Variants in PITPNC1 observed in about 807,000 individuals in gnomAD.
The protein encoded by PITPNC1 is phosphatidylinositol transfer protein cytoplasmic 1.
PITPNC1 carries 18 observed loss-of-function variants against 44.7 expected under a neutral mutation model. That is an observed-to-expected ratio of 0.40 (90% CI 0.28 to 0.60). The LOEUF (loss-of-function observed/expected upper bound fraction) is 0.60. Ranked by LOEUF, PITPNC1 falls within the 20% of genes least tolerant of loss-of-function variation. The pLI is 0.39. For missense variants in PITPNC1, 290 were observed against 418.4 expected (o/e 0.69, Z 2.68); for synonymous variants, 141 against 149.6 (o/e 0.94, Z 0.42).
chr17:67,537,032 A>T (rs939810690), intron 2 of PITPNC1, among the ~76,000 whole-genome samples: 1 of 152,230 alleles, frequency 6.6e-6, no homozygotes, highest in South Asian at 2.1e-4. Context: ...GAACATAGAC[A>T]TGAAAATACT....
At chr17:67,682,806 A>G (rs1005705341) in intron 8 of PITPNC1, among the ~76,000 whole-genome samples, 6 of 152,204 alleles carry the variant, frequency 3.9e-5, no homozygotes, top group Admixed American at 1.3e-4. Context: ...TTCACAATCT[A>G]TAAGTGAAGG....
At chr17:67,575,208 G>A (rs781649830) in intron 4 of PITPNC1, among the ~76,000 whole-genome samples, 10 of 151,482 alleles carry the variant, frequency 6.6e-5, no homozygotes, top group East Asian at 5.8e-4. Context: ...AAGGCTTGTC[G>A]TGTCTAAGAG....
chr17:67,501,560 G>A (rs1274368994), intron 1 of PITPNC1, among the ~76,000 whole-genome samples: 2 of 152,100 alleles, frequency 1.3e-5, no homozygotes, highest in African/African-American at 2.4e-5. Flanking sequence ...GGCTGGGTGC[G>A]GTGGCTCACG....
At chr17:67,573,068 G>C (rs2041084864) in intron 4 of PITPNC1, among the ~76,000 whole-genome samples, 1 of 152,192 alleles carries the variant, frequency 6.6e-6, no homozygotes, top group Admixed American at 6.5e-5. Context: ...AATTGCTGCT[G>C]TTTTAAGCCA....
At chr17:67,449,137 CTTT>C (rs1423246144) in intron 1 of PITPNC1, among the ~76,000 whole-genome samples, 5 of 152,178 alleles carry the variant, frequency 3.3e-5, no homozygotes, top group African/African-American at 1.2e-4. Flanking sequence ...TTTTCTTATT[CTTT>C]TTCCCTGTCA....
chr17:67,547,624 T>C (rs1472459216), intron 2 of PITPNC1, among the ~76,000 whole-genome samples: 1 of 152,198 alleles, frequency 6.6e-6, no homozygotes, highest in African/African-American at 2.4e-5. Context: ...CCTAATGATG[T>C]TCAAAACCTC....
At chr17:67,440,943 ATAT>A (rs1486646584) in intron 1 of PITPNC1, among the ~76,000 whole-genome samples, 1 of 152,142 alleles carries the variant, frequency 6.6e-6, no homozygotes, top group Non-Finnish European at 1.5e-5. Flanking sequence ...ACAGCTTTAA[ATAT>A]TATAATTCAT....
intron 1 of PITPNC1, among the ~76,000 whole-genome samples, chr17:67,425,193 G>GCACGCA (rs1211403913): frequency 1.9e-5 from 1 of 52,118 alleles, no homozygotes; most frequent in Non-Finnish European, 3.6e-5. Context: ...TTGTGCGCGC[G>GCACGCA]CACGCACACG....
chr17:67,528,453 G>A (rs553163035), intron 1 of PITPNC1, among the ~76,000 whole-genome samples: 4 of 152,180 alleles, frequency 2.6e-5, no homozygotes, highest in South Asian at 4.1e-4. Context: ...TCAATTCTAC[G>A]ATCAATTCTC....
intron 1 of PITPNC1, among the ~76,000 whole-genome samples, chr17:67,416,296 A>G (rs531934788): frequency 3.6e-5 from 5 of 139,606 alleles, no homozygotes; most frequent in East Asian, 4.1e-4. Context: ...TGCAACCACA[A>G]CCTCCACCTC....
Position 67,532,873 on chromosome 17 carries a change from G to A in PITPNC1, c.120G>A (p.Glu40=), listed in dbSNP as rs752708053. The A allele has an allele frequency of 1.0e-5, 16 of 1,604,972 alleles. No individual in the cohort carries two copies. The highest frequency in any genetic ancestry group is 1.4e-5 in the Non-Finnish European group (16 of 1,176,058). Residue 40 remains glutamate (E), a synonymous_variant, in exon 2 of 9, where the codon GAG becomes GAA. Coordinates refer to ENST00000581322, the MANE Select transcript of PITPNC1 (RefSeq NM_012417.4). ...AGAGTGACCGGGGAGAAGGGGTGGAGGTCGTCCAGAATGAGCCCTTTGAGG... is the reference window on the plus strand; with the variant it reads ...AGAGTGACCGGGGAGAAGGGGTGGAAGTCGTCCAGAATGAGCCCTTTGAGG... ...HEQSDRGEGV[E]VVQNEPFEDP... is the part of the protein sequence containing the mutation.
chr17:67,621,128 T>C (rs1353460506), intron 5 of PITPNC1, among the ~76,000 whole-genome samples: 1 of 152,194 alleles, frequency 6.6e-6, no homozygotes, highest in Non-Finnish European at 1.5e-5. Context: ...GGACCTATAT[T>C]GAGTTCCCTC....
chr17:67,487,142 A>G, intron 1 of PITPNC1, among the ~76,000 whole-genome samples: 1 of 152,262 alleles, frequency 6.6e-6, no homozygotes. Context: ...AAATCACACC[A>G]TTTTTATGTT....
chr17:67,553,334 C>A, intron 3 of PITPNC1: 1 of 289,420 alleles, frequency 3.5e-6, no homozygotes, highest in Non-Finnish European at 6.4e-6. Context: ...TTTTATAATG[C>A]CAACTCTTTG....
intron 2 of PITPNC1, among the ~76,000 whole-genome samples, chr17:67,534,516 C>T (rs1488211792): frequency 6.6e-6 from 1 of 151,764 alleles, no homozygotes; most frequent in Non-Finnish European, 1.5e-5. Flanking sequence ...TGCGCACCTA[C>T]AGCCCCAGCT....
chr17:67,628,325 C>CT (rs2041920887), intron 5 of PITPNC1, among the ~76,000 whole-genome samples: 1 of 152,028 alleles, frequency 6.6e-6, no homozygotes, highest in Non-Finnish European at 1.5e-5. Flanking sequence ...CTTTGTAGTC[C>CT]CTCAAGCCCA....
At chr17:67,596,563 T>C (rs2041462783) in intron 5 of PITPNC1, among the ~76,000 whole-genome samples, 1 of 152,110 alleles carries the variant, frequency 6.6e-6, no homozygotes, top group Non-Finnish European at 1.5e-5. Context: ...CAGGCTGGAG[T>C]GCAGTGGCCC....
chr17:67,599,010 ATATATATATATATATATATATATATT>A (rs2041497253), intron 5 of PITPNC1, among the ~76,000 whole-genome samples: 1 of 20,480 alleles, frequency 4.9e-5, no homozygotes, highest in Non-Finnish European at 1.4e-4. Flanking sequence ...ACATATATAT[ATATATATATATATATATATATATATT>A]TTTTTTTTTT....
chr17:67,538,939 A>T (rs1857715311), intron 2 of PITPNC1, among the ~76,000 whole-genome samples: 1 of 151,982 alleles, frequency 6.6e-6, no homozygotes, highest in South Asian at 2.1e-4. Context: ...TTTAAAAAAA[A>T]AAGAAAAACT....
Sources: gnomAD v4.1 joint callset for allele counts (sites outside exome capture counted in the v4.1 genomes callset) on GRCh38, gnomAD v4.1.1 for gene constraint, MANE v1.5 for transcripts, NCBI Gene and HGNC (gene_info 2026-07-23, HGNC 2026-07-21) for gene names.